The following THSD7B variants were observed in gnomAD, a reference collection of about 807,000 sequenced individuals.
THSD7B encodes the protein thrombospondin type-1 domain-containing protein 7B.
Under a neutral mutation model 213.6 loss-of-function variants are expected in THSD7B, and 138 were observed. That is an observed-to-expected ratio of 0.65 (90% CI 0.56 to 0.74). THSD7B has a LOEUF of 0.74. Among genes scored for constraint, THSD7B ranks in the 30% least tolerant of loss-of-function variants. THSD7B has a pLI of 0.00. For missense variants in THSD7B, 1,931 were observed against 1,991.5 expected, an observed-to-expected ratio of 0.97 and a Z score of 0.58; for synonymous variants, 742 against 687.0, an observed-to-expected ratio of 1.08 and a Z score of -1.25.
intron 15 of THSD7B, among the ~76,000 whole-genome samples, chr2:137,551,183 A>G (rs1243892787): frequency 6.6e-6 from 1 of 152,062 alleles, no homozygotes; most frequent in East Asian, 1.9e-4. Context: ...ATATGCATAT[A>G]TAAGCAGCAG....
intron 1 of THSD7B, among the ~76,000 whole-genome samples, chr2:136,800,257 T>A (rs1682151589): frequency 6.6e-6 from 1 of 152,012 alleles, no homozygotes; most frequent in African/African-American, 2.4e-5. Flanking sequence ...TGCATCAGTT[T>A]CTGCTATTTT....
At chr2:137,025,036 G>A (rs1686520625) in intron 2 of THSD7B, among the ~76,000 whole-genome samples, 1 of 152,098 alleles carries the variant, frequency 6.6e-6, no homozygotes, top group Non-Finnish European at 1.5e-5. Flanking sequence ...TGTCCATGCA[G>A]CAGCCACAAG....
chr2:137,593,170 G>A (rs533538454), intron 17 of THSD7B, among the ~76,000 whole-genome samples: 1 of 151,924 alleles, frequency 6.6e-6, no homozygotes, highest in Non-Finnish European at 1.5e-5. Flanking sequence ...GTACTCTCTT[G>A]TTAGCAGACA....
chr2:137,237,484 T>C (rs1403661609), intron 9 of THSD7B, among the ~76,000 whole-genome samples: 1 of 152,232 alleles, frequency 6.6e-6, no homozygotes, highest in East Asian at 1.9e-4. Context: ...ACTAAACGTT[T>C]ACACTGAGCT....
intron 7 of THSD7B, among the ~76,000 whole-genome samples, chr2:137,212,462 A>C (rs920954738): frequency 6.6e-6 from 1 of 152,096 alleles, no homozygotes; most frequent in Non-Finnish European, 1.5e-5. Flanking sequence ...CTAATTTGAT[A>C]TGTGAAGATT....
At chr2:137,423,572 CTATT>C (rs1686975142) in intron 14 of THSD7B, among the ~76,000 whole-genome samples, 1 of 151,924 alleles carries the variant, frequency 6.6e-6, no homozygotes, top group East Asian at 1.9e-4. Flanking sequence ...ACTTAAGAAT[CTATT>C]TAACGAAAGA....
chr2:137,328,232 T>A (rs761587212), intron 12 of THSD7B, among the ~76,000 whole-genome samples: 4 of 152,164 alleles, frequency 2.6e-5, no homozygotes, highest in African/African-American at 9.7e-5. Context: ...ATTTGCTTAA[T>A]CCTATAAGAG....
chr2:136,865,736 A>T (rs1027757286), intron 1 of THSD7B, among the ~76,000 whole-genome samples: 1 of 152,236 alleles, frequency 6.6e-6, no homozygotes, highest in African/African-American at 2.4e-5. Context: ...AGTTAGGAAG[A>T]TGTCATCCCT....
chr2:136,896,773 C>T (rs555173741), intron 2 of THSD7B, among the ~76,000 whole-genome samples: 2 of 152,010 alleles, frequency 1.3e-5, no homozygotes, highest in African/African-American at 2.4e-5. Context: ...TTCAATTGTG[C>T]TAGCATAATT....
At chr2:137,072,965 T>C (rs575741096) in intron 3 of THSD7B, among the ~76,000 whole-genome samples, 1 of 152,310 alleles carries the variant, frequency 6.6e-6, no homozygotes, top group Admixed American at 6.5e-5. Flanking sequence ...TACTTGATCA[T>C]GGTAGATGAA....
intron 12 of THSD7B, among the ~76,000 whole-genome samples, chr2:137,308,069 A>G (rs954125531): frequency 6.6e-6 from 1 of 152,024 alleles, no homozygotes; most frequent in African/African-American, 2.4e-5. Context: ...GTGATACACT[A>G]TGGAAGAGAG....
At chr2:137,519,632 G>A (rs1302110472) in intron 15 of THSD7B, among the ~76,000 whole-genome samples, 1 of 152,180 alleles carries the variant, frequency 6.6e-6, no homozygotes, top group Non-Finnish European at 1.5e-5. Context: ...GCAAATAATA[G>A]TTTGCAGGTT....
chr2:137,248,129 C>G (rs1682084538), intron 10 of THSD7B, among the ~76,000 whole-genome samples: 1 of 152,076 alleles, frequency 6.6e-6, no homozygotes, highest in African/African-American at 2.4e-5. Flanking sequence ...GTGACTCTTA[C>G]TAGTGGTGGA....
chr2:137,013,731 T>C (rs1305927883), intron 2 of THSD7B, among the ~76,000 whole-genome samples: 1 of 152,106 alleles, frequency 6.6e-6, no homozygotes, highest in Non-Finnish European at 1.5e-5. Flanking sequence ...CCCTACACTC[T>C]GCCCTGCTTC....
chr2:137,588,617 G>A (rs542250535), intron 17 of THSD7B, among the ~76,000 whole-genome samples: 2 of 151,430 alleles, frequency 1.3e-5, no homozygotes, highest in Admixed American at 1.3e-4. Context: ...TTGAAATCCA[G>A]CACACATAGA....
chr2:136,859,716 A>G (rs1573673683), intron 1 of THSD7B, among the ~76,000 whole-genome samples: 2 of 152,314 alleles, frequency 1.3e-5, no homozygotes, highest in South Asian at 2.1e-4. Context: ...GTGCGTTTTT[A>G]TGTTCATCAG....
intron 5 of THSD7B, among the ~76,000 whole-genome samples, chr2:137,134,339 T>TAAGCCTTTA (rs1688793462): frequency 6.6e-6 from 1 of 152,220 alleles, no homozygotes; most frequent in African/African-American, 2.4e-5. Flanking sequence ...ATGGTATCCT[T>TAAGCCTTTA]AAGCCTTTAG....
intron 8 of THSD7B, 74 bp downstream of exon 8, chr2:137,231,309 G>A: frequency 2.1e-6 from 3 of 1,413,436 alleles, no homozygotes; most frequent in Non-Finnish European, 2.9e-6. Flanking sequence ...TGGTGATAGA[G>A]AAGTTTATAT....
At chr2:137,451,422 G>T (rs1687650587) in intron 15 of THSD7B, among the ~76,000 whole-genome samples, 2 of 151,610 alleles carry the variant, frequency 1.3e-5, no homozygotes, top group Admixed American at 1.3e-4. Context: ...TATGATTAGT[G>T]GTCTTATCCA....
Sources: allele counts gnomAD v4.1 joint callset (sites outside exome capture counted in the v4.1 genomes callset), GRCh38; gene constraint gnomAD v4.1.1; transcripts MANE v1.5; gene names NCBI Gene and HGNC (gene_info 2026-07-23, HGNC 2026-07-21).